The following PRORP variants were observed in gnomAD, a reference collection of about 807,000 sequenced individuals.
The protein encoded by PRORP is mitochondrial ribonuclease P catalytic subunit.
PRORP carries 51 observed loss-of-function variants against 59.4 expected under a neutral mutation model. The observed-to-expected ratio is 0.86, with a 90% CI of 0.69 to 1.08. The LOEUF (loss-of-function observed/expected upper bound fraction) is 1.08, where lower values mean the gene tolerates loss of function less well. Among genes scored for constraint, PRORP ranks in the 50% least tolerant of loss-of-function variants. The probability of loss-of-function intolerance (pLI) is 0.00; values close to 1 mark genes in which losing one functional copy is unlikely to be tolerated. For synonymous variants in PRORP, 231 were observed against 245.6 expected (o/e 0.94, Z 0.55); for missense variants, 646 against 690.3 (o/e 0.94, Z 0.72).
chr14:35,150,737 T>TATGG (rs1235649932), intron 4 of PRORP, among the ~76,000 whole-genome samples: 4 of 152,148 alleles, frequency 2.6e-5, no homozygotes, highest in African/African-American at 7.2e-5. Flanking sequence ...TATGTGTGGC[T>TATGG]ATGGGTGTTT....
chr14:35,180,550 G>GTGTGTGTGTGTGTGTGTGTT, intron 4 of PRORP, 120 bp from the exon 5 acceptor site: 1 of 612,574 alleles, frequency 1.6e-6, no homozygotes, highest in Non-Finnish European at 2.9e-6. Flanking sequence ...GTGTGTGTGT[G>GTGTGTGTGTGTGTGTGTGTT]TATTTTTAAG....
At chr14:35,223,143 T>G (rs2049833130) in intron 5 of PRORP, among the ~76,000 whole-genome samples, 1 of 152,146 alleles carries the variant, frequency 6.6e-6, no homozygotes, top group African/African-American at 2.4e-5. Context: ...GTCATTATAG[T>G]CTTGGATAGA....
intron 4 of PRORP, among the ~76,000 whole-genome samples, chr14:35,137,583 G>A (rs1490921966): frequency 6.9e-6 from 1 of 145,302 alleles, no homozygotes; most frequent in Non-Finnish European, 1.5e-5. Flanking sequence ...CTAACTCAAG[G>A]CAGAAGGATT....
intron 5 of PRORP, among the ~76,000 whole-genome samples, chr14:35,227,868 G>T (rs2049974842): frequency 6.6e-6 from 1 of 152,140 alleles, no homozygotes; most frequent in African/African-American, 2.4e-5. Context: ...AAATCAGCCG[G>T]GCGCAGTGGC....
At chr14:35,203,176 A>G (rs1248753742) in intron 5 of PRORP, among the ~76,000 whole-genome samples, 1 of 152,164 alleles carries the variant, frequency 6.6e-6, no homozygotes, top group East Asian at 1.9e-4. Flanking sequence ...TTTTTTCCAT[A>G]CTTGATGCAC....
intron 4 of PRORP, among the ~76,000 whole-genome samples, chr14:35,140,963 G>C (rs1400600361): frequency 6.8e-6 from 1 of 146,208 alleles, no homozygotes; most frequent in African/African-American, 2.4e-5. Flanking sequence ...AGTCCATCAG[G>C]TTAAAGGATT....
At chr14:35,270,655 G>T (rs941024699) in intron 7 of PRORP, 59 bp downstream of exon 7, 4 of 1,454,814 alleles carry the variant, frequency 2.7e-6, no homozygotes, top group Non-Finnish European at 2.9e-6. Context: ...TAAGAATGTG[G>T]CATAGAAAAA....
Position 35,139,630 on chromosome 14 carries a change from T to C in PRORP, c.1167+12019T>C, listed in dbSNP as rs1169510673. On this transcript the variant is annotated intron_variant, in intron 4 of 7. Transcript: ENST00000534898. ...GACTATTTTACAATTTGTACATTTG[T>C]TGATGGACATTTAGGTTATTTCCAG... is the stretch of plus-strand genomic sequence containing the variant. Among the ~76,000 whole-genome samples the C allele has an allele frequency of 2.1e-5, 3 of 146,108 alleles. 1 individual carries two copies. Among genetic ancestry groups the C allele is most frequent in the African/African-American group, 7.3e-5 (3 of 41,112 alleles).
chr14:35,259,996 T>TGG (rs1416776584), intron 5 of PRORP, among the ~76,000 whole-genome samples: 102 of 140,604 alleles, frequency 7.3e-4, no homozygotes, highest in African/African-American at 2.6e-3. Flanking sequence ...TTTTCGGGTT[T>TGG]TTTTTTTTTT....
At chr14:35,266,514 T>C (rs898812638) in intron 5 of PRORP, among the ~76,000 whole-genome samples, 7 of 151,950 alleles carry the variant, frequency 4.6e-5, no homozygotes, top group African/African-American at 1.7e-4. Flanking sequence ...CCCCCTGCAA[T>C]GTAGCCTGAC....
At chr14:35,155,309 A>G (rs987987333) in intron 4 of PRORP, among the ~76,000 whole-genome samples, 1 of 152,180 alleles carries the variant, frequency 6.6e-6, no homozygotes, top group Non-Finnish European at 1.5e-5. Flanking sequence ...GGAGTTATAT[A>G]TGAAACAAGA....
chr14:35,176,726 C>G (rs902298672), intron 4 of PRORP, among the ~76,000 whole-genome samples: 41 of 152,036 alleles, frequency 2.7e-4, no homozygotes, highest in African/African-American at 9.2e-4. Flanking sequence ...AATTGAATAC[C>G]CTTTATTTCT....
At chr14:35,229,584 G>T (rs1179226992) in intron 5 of PRORP, among the ~76,000 whole-genome samples, 1 of 152,114 alleles carries the variant, frequency 6.6e-6, no homozygotes, top group Non-Finnish European at 1.5e-5. Context: ...TTTTAAAAGG[G>T]CATGAAGATG....
intron 5 of PRORP, among the ~76,000 whole-genome samples, chr14:35,218,119 T>A (rs1390620831): frequency 6.6e-6 from 1 of 152,128 alleles, no homozygotes; most frequent in African/African-American, 2.4e-5. Flanking sequence ...ATATCATTTC[T>A]GTAAGCCAGG....
At chr14:35,218,265 G>A (rs1308395133) in intron 5 of PRORP, among the ~76,000 whole-genome samples, 1 of 151,488 alleles carries the variant, frequency 6.6e-6, no homozygotes, top group East Asian at 2.0e-4. Flanking sequence ...TTCGAGACCA[G>A]CCTGGGCAAC....
chr14:35,189,247 G>A (rs902231230), intron 5 of PRORP, among the ~76,000 whole-genome samples: 1 of 151,928 alleles, frequency 6.6e-6, no homozygotes, highest in East Asian at 1.9e-4. Flanking sequence ...TTTTGTTGTT[G>A]TTGTTTTTAG....
intron 5 of PRORP, among the ~76,000 whole-genome samples, chr14:35,264,176 G>A (rs897985837): frequency 8.6e-5 from 13 of 151,924 alleles, no homozygotes; most frequent in African/African-American, 3.1e-4. Context: ...CACCCAGGCT[G>A]GAGTGCAGTG....
At chr14:35,230,199 T>C (rs997435670) in intron 5 of PRORP, among the ~76,000 whole-genome samples, 2 of 152,010 alleles carry the variant, frequency 1.3e-5, no homozygotes, top group Non-Finnish European at 2.9e-5. Flanking sequence ...ATTACAGGTA[T>C]GCGCCATAAC....
intron 4 of PRORP, among the ~76,000 whole-genome samples, chr14:35,141,850 G>A (rs1013885228): frequency 4.2e-5 from 6 of 143,588 alleles, no homozygotes; most frequent in Admixed American, 3.6e-4. Flanking sequence ...ATGAGTAGCT[G>A]GGACTACAGG....
Sources: allele counts gnomAD v4.1 joint callset (sites outside exome capture counted in the v4.1 genomes callset), GRCh38; gene constraint gnomAD v4.1.1; transcripts MANE v1.5; gene names NCBI Gene and HGNC (gene_info 2026-07-23, HGNC 2026-07-21).